The following NBN variants were observed in gnomAD, a reference collection of about 807,000 sequenced individuals.
NBN encodes nibrin.
In NBN, 88 loss-of-function variants were observed where a neutral mutation model predicts 90.8. That is an observed-to-expected ratio of 0.97 (90% confidence interval 0.82 to 1.16). The LOEUF is 1.16. NBN is among the 50% of genes most tolerant of loss of function. NBN has a pLI of 0.00. For synonymous variants in NBN, 328 were observed against 295.1 expected, an observed-to-expected ratio of 1.11 and a Z score of -1.14; for missense variants, 894 against 869.6, an observed-to-expected ratio of 1.03 and a Z score of -0.35.
chr8:89,955,734 C>T (rs865925399), intron 9 of NBN, among the ~76,000 whole-genome samples, 179 bp from the exon 10 acceptor site: 1 of 152,050 alleles, frequency 6.6e-6, no homozygotes, highest in African/African-American at 2.4e-5. Context: ...CCTAAGCATC[C>T]TGTGGAAGGA....
chr8:89,966,040 A>G (rs1307553848), intron 7 of NBN, among the ~76,000 whole-genome samples: 3 of 152,254 alleles, frequency 2.0e-5, no homozygotes, highest in Non-Finnish European at 4.4e-5. Flanking sequence ...TTAGTTATAA[A>G]GAATGGTTAC....
intron 11 of NBN, 28 bp downstream of exon 11, chr8:89,953,216 T>G: frequency 6.7e-7 from 1 of 1,495,434 alleles, no homozygotes; most frequent in African/African-American, 1.4e-5. Context: ...TTCTATGTAC[T>G]ATACCTCTCA....
intron 10 of NBN, among the ~76,000 whole-genome samples, chr8:89,953,918 G>A (rs932732765): frequency 2.6e-5 from 4 of 152,078 alleles, no homozygotes; most frequent in East Asian, 1.9e-4. Context: ...AAAGCAGTAC[G>A]GTGATCTCTA....
Position 89,953,290 on chromosome 8 carries a change from T to C in NBN, c.1799A>G (p.Asn600Ser). 1 of 1,613,272 alleles carries C rather than the reference T, an allele frequency of 6.2e-7. No individual in the cohort carries two copies. The highest frequency in any genetic ancestry group is 8.5e-7 in the Non-Finnish European group (1 of 1,179,704). ...RKRPRMDIET[N>S]DTFSDEAVPE... ...TACTGCTTCATCACTGAAAGTGTCA[T>C]TTGTTTCTATATCCATCCTTGGCCT... is the stretch of plus-strand genomic sequence containing the variant. Residue 600 changes from asparagine (N) to serine (S), a missense_variant, in exon 11 of 16, where the codon AAT becomes AGT. Asn to Ser is a conservative substitution (Grantham distance 46, BLOSUM62 1). Transcript: ENST00000265433.
chr8:89,978,546 A>T (rs1043909980), intron 4 of NBN, among the ~76,000 whole-genome samples: 4 of 152,258 alleles, frequency 2.6e-5, no homozygotes, highest in African/African-American at 9.6e-5. Flanking sequence ...TCACTCAATT[A>T]TAAGAAGTCA....
At chr8:89,978,671 T>C (rs1455305423) in intron 4 of NBN, among the ~76,000 whole-genome samples, 5 of 152,180 alleles carry the variant, frequency 3.3e-5, no homozygotes, top group Admixed American at 2.6e-4. Flanking sequence ...GTTAAAAATA[T>C]ATTTCAGAAT....
rs1458908573 is a variant in NBN, at chr8:89,958,962, GA to G, written c.995-109del. The G allele has an allele frequency of 7.9e-6, 11 of 1,399,116 alleles. No individual in the cohort carries two copies. In the Admixed American group the frequency reaches 1.9e-4, roughly 24 times the overall value. The allele number at this position is 1,399,116 out of a possible 1,614,324, so 86.7% of individuals were successfully genotyped here. On this transcript the variant is annotated intron_variant, in intron 8 of 15. Coordinates refer to ENST00000265433, the MANE Select transcript of NBN (RefSeq NM_002485.5). ...TACCATGCTGAGGGGATTAACTAGG[GA>G]ATACTGCACATGGTTTTCTCCAATG...
chr8:89,960,283 A>G (rs751247022), intron 8 of NBN, among the ~76,000 whole-genome samples: 3 of 152,178 alleles, frequency 2.0e-5, no homozygotes, highest in Non-Finnish European at 4.4e-5. Context: ...TTTAAGACAC[A>G]TATCTCTAGA....
chr8:89,936,302 C>T (rs750412314), intron 15 of NBN, among the ~76,000 whole-genome samples: 5 of 151,990 alleles, frequency 3.3e-5, no homozygotes, highest in Non-Finnish European at 4.4e-5. Context: ...GTGTTGAACT[C>T]CTGACCTCGT....
At chr8:89,974,727 G>A (rs1286232354) in intron 5 of NBN, among the ~76,000 whole-genome samples, 1 of 152,190 alleles carries the variant, frequency 6.6e-6, no homozygotes, top group African/African-American at 2.4e-5. Flanking sequence ...CTTTAAGCAA[G>A]CCTACATTTT....
chr8:89,961,510 A>G (rs1235369), intron 8 of NBN, among the ~76,000 whole-genome samples: 4,096 of 152,296 alleles, frequency 0.027, 62 homozygotes, highest in Non-Finnish European at 0.039. Context: ...GGGAGTGAAA[A>G]CAATTTAGAA....
At chr8:89,968,235 G>A (rs772449680) in intron 7 of NBN, among the ~76,000 whole-genome samples, 1 of 152,052 alleles carries the variant, frequency 6.6e-6, no homozygotes, top group South Asian at 2.1e-4. Flanking sequence ...CTCCAGCCTG[G>A]AGTGAAACCA....
intron 7 of NBN, among the ~76,000 whole-genome samples, chr8:89,967,954 T>C (rs529475650): frequency 8.1e-4 from 123 of 152,290 alleles, no homozygotes; most frequent in African/African-American, 2.8e-3. Context: ...TAATACTGCA[T>C]TCCCTCCAAA....
chr8:89,956,790 C>T (rs943356045), intron 9 of NBN, among the ~76,000 whole-genome samples: 1 of 152,186 alleles, frequency 6.6e-6, no homozygotes, highest in African/African-American at 2.4e-5. Flanking sequence ...ACAACACTTT[C>T]AATTACAGTC....
Position 89,935,327 on chromosome 8 carries a change from G to A in NBN, c.*255C>T. ...TTACGTACATTTAGAATTTTGAACTGTGACTATATTAACTATTTAATAAAC... is the reference window on the plus strand; with the variant it reads ...TTACGTACATTTAGAATTTTGAACTATGACTATATTAACTATTTAATAAAC... On this transcript the variant is annotated 3_prime_UTR_variant, in exon 16 of 16. Coordinates refer to ENST00000265433, the MANE Select transcript of NBN (RefSeq NM_002485.5). The A allele has an allele frequency of 2.4e-6, 1 of 423,020 alleles. No individual in the cohort carries two copies. The highest frequency in any genetic ancestry group is 4.3e-6 in the Non-Finnish European group (1 of 233,392). The allele number at this position is 423,020 out of a possible 1,614,324, so 26.2% of individuals were successfully genotyped here. A position where few individuals can be genotyped will look rare whatever the true frequency, so the allele number is the denominator to read the frequency against.
Position 89,982,813 on chromosome 8 carries a change from C to A in NBN, c.80G>T (p.Gly27Val), listed in dbSNP as rs755171159. 3.7e-6 allele frequency: 6 copies of A among 1,613,546 alleles called. No individual in the cohort carries two copies. In the African/African-American group the frequency reaches 6.7e-5, roughly 18 times the overall value. Residue 27 changes from glycine to valine, a missense_variant, in exon 2 of 16, where the codon GGA (glycine) becomes GTA (valine). Gly to Val is a moderately radical substitution (Grantham distance 109). Transcript: ENST00000265433. ...RLLTGVEYVV[G>V]RKNCAILIEN... Reference sequence around the variant, plus strand: ...AATCAGAATGGCACAGTTTTTCCTTCCAACAACGTACTCAACGCCAGTCAA... The same window carrying A: ...AATCAGAATGGCACAGTTTTTCCTTACAACAACGTACTCAACGCCAGTCAA...
chr8:89,982,958 TATTA>T, intron 1 of NBN, 103 bp from the exon 2 acceptor site: 1 of 1,225,194 alleles, frequency 8.2e-7, no homozygotes, highest in South Asian at 1.3e-5. Context: ...GTATGACAAA[TATTA>T]AATAAAACAC....
intron 11 of NBN, among the ~76,000 whole-genome samples, 178 bp from the exon 12 acceptor site, chr8:89,948,070 A>C (rs1372846574): frequency 6.6e-6 from 1 of 152,228 alleles, no homozygotes; most frequent in Non-Finnish European, 1.5e-5. Context: ...AAAAGAAATT[A>C]TGAGATGAAA....
intron 7 of NBN, among the ~76,000 whole-genome samples, chr8:89,965,813 G>A (rs1811227989): frequency 6.6e-6 from 1 of 151,984 alleles, no homozygotes; most frequent in South Asian, 2.1e-4. Context: ...TGGTTAGTTC[G>A]TAAGGTCTTT....
Sources: gnomAD v4.1 joint callset for allele counts (sites outside exome capture counted in the v4.1 genomes callset) on GRCh38, gnomAD v4.1.1 for gene constraint, MANE v1.5 for transcripts, NCBI Gene and HGNC (gene_info 2026-07-23, HGNC 2026-07-21) for gene names.